The following KHDRBS2 variants were observed in gnomAD, a reference collection of about 807,000 sequenced individuals.
KHDRBS2 encodes KH domain-containing, RNA-binding, signal transduction-associated protein 2.
Under a neutral mutation model 44.3 loss-of-function variants are expected in KHDRBS2, and 26 were observed. That is an observed-to-expected ratio of 0.59 (90% CI 0.43 to 0.81). The LOEUF (loss-of-function observed/expected upper bound fraction) is 0.81. KHDRBS2 is among the 40% of genes least tolerant of loss of function. KHDRBS2 has a pLI of 0.00. For synonymous variants in KHDRBS2, 194 were observed against 151.1 expected (o/e 1.28, Z -2.08); for missense variants, 476 against 433.1 (o/e 1.10, Z -0.88).
At chr6:61,767,052 T>A (rs1451269382) in intron 6 of KHDRBS2, among the ~76,000 whole-genome samples, 4 of 152,064 alleles carry the variant, frequency 2.6e-5, no homozygotes, top group Non-Finnish European at 4.4e-5. Context: ...GAAAATAGGG[T>A]GTTGAATTCT....
chr6:62,028,870 G>A (rs540146815), intron 3 of KHDRBS2, among the ~76,000 whole-genome samples: 1 of 152,092 alleles, frequency 6.6e-6, no homozygotes, highest in Middle Eastern at 3.4e-3. Context: ...GGACCTCTTT[G>A]TCTTAGTGTA....
rs1041738691 is a variant in KHDRBS2 at position 61,831,409 on chromosome 6, C to T, written c.810+63226G>A. Among the ~76,000 whole-genome samples, 22 of 151,952 alleles carry T rather than the reference C, an allele frequency of 1.4e-4. 1 individual carries two copies. Among genetic ancestry groups the T allele is most frequent in the Admixed American group, 1.2e-3 (19 of 15,224 alleles). On this transcript the variant is annotated intron_variant, in intron 6 of 8. Coordinates refer to ENST00000281156, the MANE Select transcript of KHDRBS2 (RefSeq NM_152688.4). Reference sequence around the variant, plus strand: ...GCATTAAGTTTATAATGTACCCTTACTTTTACTTAATAAAATATATTTCTA... The same window carrying T: ...GCATTAAGTTTATAATGTACCCTTATTTTTACTTAATAAAATATATTTCTA...
At chr6:61,767,421 C>A (rs1298011472) in intron 6 of KHDRBS2, among the ~76,000 whole-genome samples, 1 of 151,958 alleles carries the variant, frequency 6.6e-6, no homozygotes, top group East Asian at 1.9e-4. Flanking sequence ...TTCTGCCACT[C>A]TATGTCTTTT....
At chr6:61,961,460 GAGGA>G (rs576754674) in intron 4 of KHDRBS2, among the ~76,000 whole-genome samples, 182 of 151,912 alleles carry the variant, frequency 1.2e-3, no homozygotes, top group Non-Finnish European at 1.3e-3. Flanking sequence ...AAAAGAGATG[GAGGA>G]AGGAAGGAAG....
chr6:61,590,321 A>C, the KHDRBS2 span, among the ~76,000 whole-genome samples: 4 of 152,176 alleles, frequency 2.6e-5, no homozygotes, highest in Non-Finnish European at 5.9e-5. Context: ...TACCAGACAC[A>C]TGGAGATGTC....
chr6:61,705,168 A>C (rs545399736), intron 7 of KHDRBS2, among the ~76,000 whole-genome samples: 1 of 151,888 alleles, frequency 6.6e-6, no homozygotes, highest in African/African-American at 2.4e-5. Context: ...TTTTTGCCAA[A>C]ATTTTAATAA....
intron 6 of KHDRBS2, among the ~76,000 whole-genome samples, chr6:61,865,540 T>A (rs1311239402): frequency 2.6e-5 from 4 of 151,456 alleles, no homozygotes; most frequent in African/African-American, 9.7e-5. Context: ...ATTCAATTAC[T>A]TCCCACTGGG....
the KHDRBS2 span, among the ~76,000 whole-genome samples, chr6:61,669,991 A>G: frequency 2.6e-5 from 4 of 151,298 alleles, no homozygotes; most frequent in East Asian, 2.0e-4. Flanking sequence ...TAAATAACAA[A>G]CAGCTGAAGA....
At chr6:61,551,314 G>T in the KHDRBS2 span, among the ~76,000 whole-genome samples, 1 of 152,068 alleles carries the variant, frequency 6.6e-6, no homozygotes, top group African/African-American at 2.4e-5. Context: ...CATTTTGTAG[G>T]TTGTCTGTTA....
chr6:61,796,268 T>C (rs1164643967), intron 6 of KHDRBS2, among the ~76,000 whole-genome samples: 5 of 152,038 alleles, frequency 3.3e-5, no homozygotes, highest in Admixed American at 6.6e-5. Context: ...TCTTTCAATG[T>C]AAATAATTGG....
chr6:61,552,587 A>C, the KHDRBS2 span, among the ~76,000 whole-genome samples: 1 of 152,058 alleles, frequency 6.6e-6, no homozygotes. Flanking sequence ...ATTTGCAAGG[A>C]GAATGCTTTC....
the KHDRBS2 span, among the ~76,000 whole-genome samples, chr6:61,664,855 A>G: frequency 1.3e-5 from 2 of 151,702 alleles, no homozygotes; most frequent in Non-Finnish European, 1.5e-5. Flanking sequence ...TTAGCACTAT[A>G]GTTTTAATAT....
intron 2 of KHDRBS2, among the ~76,000 whole-genome samples, chr6:62,068,362 T>G (rs1344440401): frequency 6.6e-6 from 1 of 151,274 alleles, no homozygotes; most frequent in Non-Finnish European, 1.5e-5. Flanking sequence ...CAGTTTTAAT[T>G]TTTTTTTCTT....
At chr6:62,046,158 T>G (rs1273285023) in intron 3 of KHDRBS2, among the ~76,000 whole-genome samples, 4 of 151,898 alleles carry the variant, frequency 2.6e-5, no homozygotes, top group African/African-American at 9.7e-5. Context: ...ATTAGTAAAT[T>G]AAACCTCATG....
At chr6:61,845,417 C>A (rs1175854196) in intron 6 of KHDRBS2, among the ~76,000 whole-genome samples, 3 of 149,396 alleles carry the variant, frequency 2.0e-5, no homozygotes, top group Non-Finnish European at 4.4e-5. Flanking sequence ...TCGAGCGATT[C>A]TCCTGCCTCA....
chr6:62,122,879 A>G (rs1414928580), intron 2 of KHDRBS2, among the ~76,000 whole-genome samples: 1 of 129,296 alleles, frequency 7.7e-6, no homozygotes, highest in Non-Finnish European at 1.7e-5. Flanking sequence ...AATTTATTTT[A>G]TTTTATTTAT....
At chr6:61,958,036 T>C (rs66498648) in intron 4 of KHDRBS2, among the ~76,000 whole-genome samples, 39,968 of 152,012 alleles carry the variant, frequency 0.26, 5,654 homozygotes, top group African/African-American at 0.34. Flanking sequence ...ATAATCATCA[T>C]TATTATAATT....
At chr6:62,134,364 G>C (rs1280358213) in intron 2 of KHDRBS2, among the ~76,000 whole-genome samples, 1 of 152,186 alleles carries the variant, frequency 6.6e-6, no homozygotes, top group East Asian at 1.9e-4. Context: ...AAGAACTGAG[G>C]TTTGGGAACC....
intron 1 of KHDRBS2, among the ~76,000 whole-genome samples, chr6:62,214,990 T>TA (rs58950972): frequency 0.34 from 52,060 of 151,474 alleles, 9,590 homozygotes; most frequent in Middle Eastern, 0.43. Context: ...AGACATAAGA[T>TA]AAAAAAATTT....
Sources: allele counts gnomAD v4.1 joint callset (sites outside exome capture counted in the v4.1 genomes callset), GRCh38; gene constraint gnomAD v4.1.1; transcripts MANE v1.5; gene names NCBI Gene and HGNC (gene_info 2026-07-23, HGNC 2026-07-21).